ASCL4: variants seen among roughly 807,000 people sequenced by gnomAD.
ASCL4 encodes achaete-scute family bHLH transcription factor 4, also known as achaete-scute homolog 4.
ASCL4 carries 1 observed loss-of-function variant against 0.3 expected under a neutral mutation model. The ratio of observed to expected loss-of-function variants is 3.35; its 90% CI spans 1.19 to 15.89. The LOEUF is 15.89. Ranked by LOEUF, ASCL4 falls within the 30% of genes most tolerant of loss-of-function variation. The pLI is 0.12. For missense variants in ASCL4, 330 were observed against 256.9 expected, an observed-to-expected ratio of 1.28 and a Z score of -1.94; for synonymous variants, 137 against 119.5, an observed-to-expected ratio of 1.15 and a Z score of -0.96.
At position 107,775,522 on chromosome 12, in the gene ASCL4, G is replaced by A. The variant is rs1165128464; in HGVS notation, c.304G>A (p.Glu102Lys). ...GCGCCTCCGAGACCACCTGCCCCGG[G>A]AGCTGGCAGACAAGCGCCTCAGCAA... ...YARLRDHLPRELADKRLSKVE... is the reference protein window; with the variant it reads ...YARLRDHLPRKLADKRLSKVE... The change falls in exon 1 of 1, where the codon GAG (glutamate) becomes AAG (lysine). Residue 102 changes from glutamate to lysine, a missense_variant. By Grantham distance (56) the Glu-to-Lys change is moderately conservative. Transcript: ENST00000342331. The A allele has an allele frequency of 1.3e-6, 2 of 1,572,704 alleles. No individual in the cohort carries two copies. The highest frequency in any genetic ancestry group is 2.3e-5 in the East Asian group (1 of 43,740).
In ASCL4 at chr12:107,775,292, G is replaced by A. The variant is rs749439691; in HGVS notation, c.74G>A (p.Gly25Glu). ...CGCACCGCGCCCCTGGGCGTTCCGG[G>A]GACCCTGCCCGGACTCCCGCGGAGG... ...SLRTAPLGVPGTLPGLPRRDP... is the reference protein window; with the variant it reads ...SLRTAPLGVPETLPGLPRRDP... Residue 25 changes from glycine (G) to glutamate (E), a missense_variant, in exon 1 of 1, where the codon GGG becomes GAG. Coordinates refer to ENST00000342331, the MANE Select transcript of ASCL4 (RefSeq NM_203436.3). The A allele has an allele frequency of 1.3e-5, 21 of 1,611,984 alleles. No homozygotes were observed. In the African/African-American group the frequency reaches 1.9e-4, roughly 14 times the overall value.
Position 107,775,452 on chromosome 12 carries a change from C to G in ASCL4, c.234C>G (p.Asn78Lys), listed in dbSNP as rs780773405. The stretch of plus-strand genomic sequence containing the variant: ...AGCCCGCCTTCCTCCGCAAGCGCAA[C>G]GAGCGCGAGCGGCAGCGGGTGCGCT... ...AFEPAFLRKR[N>K]ERERQRVRCV... The change falls in exon 1 of 1, where the codon AAC (asparagine) becomes AAG (lysine). Residue 78 changes from asparagine to lysine, a missense_variant. Physicochemically the swap from Asn to Lys is moderately conservative, Grantham distance 94. Coordinates refer to ENST00000342331, the MANE Select transcript of ASCL4 (RefSeq NM_203436.3). The G allele has an allele frequency of 6.4e-7, 1 of 1,565,340 alleles. No individual in the cohort carries two copies. The highest frequency in any genetic ancestry group is 1.1e-5 in the South Asian group (1 of 87,570).
Position 107,775,204 on chromosome 12 carries a change from G to C in ASCL4, c.-15G>C. The C allele has an allele frequency of 1.2e-6, 2 of 1,608,906 alleles. No individual in the cohort carries two copies. The highest frequency in any genetic ancestry group is 1.7e-6 in the Non-Finnish European group (2 of 1,177,536). On this transcript the variant is annotated 5_prime_UTR_variant, in exon 1 of 1. Coordinates refer to ENST00000342331, the MANE Select transcript of ASCL4 (RefSeq NM_203436.3). ...GATTGACCTCTTGAGTGATTTGTGTGCTTTCCGGCAAATGATGGAGACGCG... is the reference window on the plus strand; with the variant it reads ...GATTGACCTCTTGAGTGATTTGTGTCCTTTCCGGCAAATGATGGAGACGCG...
At position 107,775,731 on chromosome 12, in the gene ASCL4, C is replaced by A. The variant is rs541142567; in HGVS notation, c.513C>A (p.Gly171=). The A allele has an allele frequency of 7.0e-7, 1 of 1,438,458 alleles. No homozygotes were observed. The highest frequency in any genetic ancestry group is 9.0e-7 in the Non-Finnish European group (1 of 1,105,224). The allele number at this position is 1,438,458 out of a possible 1,614,324, so 89.1% of individuals were successfully genotyped here. ...CCAGCAGCGAGCCCGAGGAGGGGGG[C>A]AGCTAGCGAGCGCCCGAACTGGCCA... ...PSPSSEPEEG[G]S Residue 171 remains glycine, a synonymous_variant, in exon 1 of 1, where the codon GGC becomes GGA. Coordinates refer to ENST00000342331, the MANE Select transcript of ASCL4 (RefSeq NM_203436.3).
rs1160958582 is a variant in ASCL4, at chr12:107,775,279, C to G, written c.61C>G (p.Leu21Val). 1 of 1,612,676 alleles carries G rather than the reference C, an allele frequency of 6.2e-7. No homozygotes were observed. The highest frequency in any genetic ancestry group is 8.5e-7 in the Non-Finnish European group (1 of 1,179,386). ...GCCATACTCGCTGCGCACCGCGCCC[C>G]TGGGCGTTCCGGGGACCCTGCCCGG... The part of the protein sequence containing the change: ...ALPYSLRTAP[L>V]GVPGTLPGLP... The change falls in exon 1 of 1, where the codon CTG becomes GTG. Residue 21 changes from leucine (L) to valine (V), a missense_variant. Transcript: ENST00000342331.
At position 107,775,552 on chromosome 12, in the gene ASCL4, G is replaced by T; in HGVS notation, c.334G>T (p.Glu112Ter). Residue 112 changes from glutamate (E) to a stop codon, truncating the protein, a stop_gained, in exon 1 of 1, where the codon GAG (glutamate) becomes TAG (stop). Transcript: ENST00000342331. LOFTEE classifies it low-confidence loss of function (END_TRUNC). The stretch of plus-strand genomic sequence containing the variant: ...GGCAGACAAGCGCCTCAGCAAAGTG[G>T]AGACGCTCCGCGCTGCCATCGACTA... The part of the protein sequence containing the change: ...ELADKRLSKV[E>*]TLRAAIDYIK... 2 of 1,576,498 alleles carry T rather than the reference G, an allele frequency of 1.3e-6. No individual in the cohort carries two copies. Among genetic ancestry groups the T allele is most frequent in the Non-Finnish European group, 1.7e-6 (2 of 1,169,724 alleles).
In ASCL4 at chr12:107,775,726, G is replaced by T. The variant is rs746997069; in HGVS notation, c.508G>T (p.Gly170Trp). The T allele has an allele frequency of 4.2e-6, 6 of 1,440,660 alleles. No homozygotes were observed. The highest frequency in any genetic ancestry group is 5.4e-6 in the Non-Finnish European group (6 of 1,107,172). 89.2% of individuals were successfully genotyped at this position (1,440,660 alleles called of 1,614,324 possible). A position where few individuals can be genotyped will look rare whatever the true frequency, so the allele number is the denominator to read the frequency against. Residue 170 changes from glycine (G) to tryptophan (W), a missense_variant, in exon 1 of 1, where the codon GGG becomes TGG. Coordinates refer to ENST00000342331, the MANE Select transcript of ASCL4 (RefSeq NM_203436.3). ...TTCGCCCAGCAGCGAGCCCGAGGAG[G>T]GGGGCAGCTAGCGAGCGCCCGAACT... ...APSPSSEPEE[G>W]GS
In ASCL4 at chr12:107,776,573, G is replaced by C. The variant is rs1891465368; in HGVS notation, c.*836G>C. The stretch of plus-strand genomic sequence containing the variant: ...CATACCCCCCGCCCCCCAACGTGTA[G>C]CTCTCCATCTAAGTTTTGGATAAAC... On this transcript the variant is annotated 3_prime_UTR_variant, in exon 1 of 1. Transcript: ENST00000342331. The C allele has an allele frequency of 6.0e-6, 1 of 166,470 alleles. No homozygotes were observed. Among genetic ancestry groups the C allele is most frequent in the Non-Finnish European group, 1.5e-5 (1 of 68,132 alleles). 10.3% of individuals were successfully genotyped at this position (166,470 alleles called of 1,614,324 possible). A position where few individuals can be genotyped will look rare whatever the true frequency, so the allele number is the denominator to read the frequency against.
In ASCL4 at chr12:107,775,498, C is replaced by A; in HGVS notation, c.280C>A (p.Arg94Ser). Residue 94 changes from arginine (R) to serine (S), a missense_variant, in exon 1 of 1, where the codon CGC becomes AGC. Physicochemically the swap from Arg to Ser is moderately radical, Grantham distance 110 (BLOSUM62 -1). Transcript: ENST00000342331. ...GCGCTGCGTGAACGAGGGCTATGCG[C>A]GCCTCCGAGACCACCTGCCCCGGGA... Reference protein sequence around the residue: ...RVRCVNEGYARLRDHLPRELA... With the variant: ...RVRCVNEGYASLRDHLPRELA... 1 of 1,571,820 alleles carries A rather than the reference C, an allele frequency of 6.4e-7. No homozygotes were observed. The highest frequency in any genetic ancestry group is 8.6e-7 in the Non-Finnish European group (1 of 1,167,450).
chr12:107,775,027 GA>G lies in ASCL4; in HGVS notation c.-190del. On this transcript the variant is annotated 5_prime_UTR_variant, in exon 1 of 1. It removes the in-frame stop codon of an upstream open reading frame in the 5' UTR. Transcript: ENST00000342331. ...TCATAAAAAGATCGAGGAGTGCAAT[GA>G]ACTTCAGGAATCATGCACCGTTTCC... 4.6e-6 allele frequency: 3 copies of G among 647,236 alleles called. No individual in the cohort carries two copies. Among genetic ancestry groups the G allele is most frequent in the Non-Finnish European group, 7.7e-6 (3 of 387,618 alleles). 40.1% of individuals were successfully genotyped at this position (647,236 alleles called of 1,614,324 possible).
In ASCL4 at chr12:107,775,294, ACCCTGCCCGGACTCCCGCGGAGGGACC is replaced by A; in HGVS notation, c.81_107del (p.Pro28_Leu36del). On this transcript the variant is annotated inframe_deletion, in exon 1 of 1. Transcript: ENST00000342331. ...CACCGCGCCCCTGGGCGTTCCGGGG[ACCCTGCCCGGACTCCCGCGGAGGGACC>A]CCCTCAGGGTCGCCCTGCGTCTGGA... The A allele has an allele frequency of 6.2e-7, 1 of 1,611,714 alleles. No homozygotes were observed. Among genetic ancestry groups the A allele is most frequent in the African/African-American group, 1.3e-5 (1 of 74,812 alleles).
Position 107,775,300 on chromosome 12 carries a change from C to T in ASCL4, c.82C>T (p.Pro28Ser), listed in dbSNP as rs201910980. The change falls in exon 1 of 1, where the codon CCC becomes TCC. Residue 28 changes from proline to serine, a missense_variant. Physicochemically the swap from Pro to Ser is moderately conservative, Grantham distance 74. Coordinates refer to ENST00000342331, the MANE Select transcript of ASCL4 (RefSeq NM_203436.3). ...GCCCCTGGGCGTTCCGGGGACCCTG[C>T]CCGGACTCCCGCGGAGGGACCCCCT... ...TAPLGVPGTL[P>S]GLPRRDPLRV... The T allele has an allele frequency of 1.6e-5, 26 of 1,611,836 alleles. No homozygotes were observed. The South Asian group carries it at 2.5e-4, about 16-fold the overall frequency.
At position 107,776,327 on chromosome 12, in the gene ASCL4, G is replaced by C; in HGVS notation, c.*590G>C. The stretch of plus-strand genomic sequence containing the variant: ...CTGGTACTTGAGAACGAATTTGCCA[G>C]CATGTGCTGTTGTTGACTGTGTGAA... On this transcript the variant is annotated 3_prime_UTR_variant, in exon 1 of 1. Transcript: ENST00000342331. 6.0e-6 allele frequency: 1 copy of C among 167,254 alleles called. No individual in the cohort carries two copies. The allele number at this position is 167,254 out of a possible 1,614,324, so 10.4% of individuals were successfully genotyped here.
chr12:107,775,396 T>G lies in ASCL4; in HGVS notation c.178T>G (p.Tyr60Asp). 1 of 1,595,426 alleles carries G rather than the reference T, an allele frequency of 6.3e-7. No homozygotes were observed. The highest frequency in any genetic ancestry group is 8.5e-7 in the Non-Finnish European group (1 of 1,173,762). Residue 60 changes from tyrosine (Y) to aspartate (D), a missense_variant, in exon 1 of 1, where the codon TAC (tyrosine) becomes GAC (aspartate). Coordinates refer to ENST00000342331, the MANE Select transcript of ASCL4 (RefSeq NM_203436.3). ...CAGCGGCTGCGCACGGGGATGGCAG[T>G]ACTTGCCCGTGCCGCTGGACAGCGC... ...ARSGCARGWQ[Y>D]LPVPLDSAFE... is the part of the protein sequence containing the mutation.
In ASCL4 at chr12:107,775,267, C is replaced by G; in HGVS notation, c.49C>G (p.Arg17Gly). ...AERLALPYSL[R>G]TAPLGVPGTL... ...ACGGCTGGCCTTGCCATACTCGCTG[C>G]GCACCGCGCCCCTGGGCGTTCCGGG... Residue 17 changes from arginine to glycine, a missense_variant, in exon 1 of 1, where the codon CGC becomes GGC. Physicochemically the swap from Arg to Gly is moderately radical, Grantham distance 125. Transcript: ENST00000342331. The G allele has an allele frequency of 6.2e-7, 1 of 1,612,900 alleles. No homozygotes were observed. Among genetic ancestry groups the G allele is most frequent in the Non-Finnish European group, 8.5e-7 (1 of 1,179,510 alleles).
Position 107,775,640 on chromosome 12 carries a change from C to A in ASCL4, c.422C>A (p.Ala141Asp). The A allele has an allele frequency of 6.4e-7, 1 of 1,557,988 alleles. No individual in the cohort carries two copies. Among genetic ancestry groups the A allele is most frequent in the East Asian group, 2.4e-5 (1 of 42,448 alleles). ...TGGGGGCTCGAGGGCGCGGCCGGCGCCGTCCCCCAGCGCAGGGCGGAATGC... is the reference window on the plus strand; with the variant it reads ...TGGGGGCTCGAGGGCGCGGCCGGCGACGTCCCCCAGCGCAGGGCGGAATGC... ...QAWGLEGAAG[A>D]VPQRRAECNS... Residue 141 changes from alanine (A) to aspartate (D), a missense_variant, in exon 1 of 1, where the codon GCC becomes GAC. Physicochemically the swap from Ala to Asp is moderately radical, Grantham distance 126. Transcript: ENST00000342331.
rs771939252 is a variant in ASCL4, at chr12:107,775,565, C to T, written c.347C>T (p.Ala116Val). 5 of 1,579,366 alleles carry T rather than the reference C, an allele frequency of 3.2e-6. No homozygotes were observed. Among genetic ancestry groups the T allele is most frequent in the Non-Finnish European group, 4.3e-6 (5 of 1,171,354 alleles). ...CTCAGCAAAGTGGAGACGCTCCGCG[C>T]TGCCATCGACTACATCAAGCACCTG... ...KRLSKVETLR[A>V]AIDYIKHLQE... is the part of the protein sequence containing the mutation. The change falls in exon 1 of 1, where the codon GCT becomes GTT. Residue 116 changes from alanine (A) to valine (V), a missense_variant. By Grantham distance (64) the Ala-to-Val change is moderately conservative (BLOSUM62 0). Transcript: ENST00000342331.
In ASCL4 at chr12:107,775,860, C is replaced by T. The variant is rs555338749; in HGVS notation, c.*123C>T. 3,141 of 1,187,642 alleles carry T rather than the reference C, an allele frequency of 2.6e-3. 5 individuals are homozygous for T. The highest frequency in any genetic ancestry group is 6.3e-3 in the Admixed American group (153 of 24,376). The allele number at this position is 1,187,642 out of a possible 1,614,324, so 73.6% of individuals were successfully genotyped here. The stretch of plus-strand genomic sequence containing the variant: ...TCTGGCATCTTCTCCAGGCCTAAAT[C>T]TTAAGAAAAAGAAATGGGTGCTGGG... On this transcript the variant is annotated 3_prime_UTR_variant, in exon 1 of 1. Coordinates refer to ENST00000342331, the MANE Select transcript of ASCL4 (RefSeq NM_203436.3).
rs1891445012 is a variant in ASCL4 at position 107,775,482 on chromosome 12, G to A, written c.264G>A (p.Val88=). Residue 88 remains valine (V), a synonymous_variant, in exon 1 of 1, where the codon GTG becomes GTA. Transcript: ENST00000342331. ...GCGAGCGGCAGCGGGTGCGCTGCGT[G>A]AACGAGGGCTATGCGCGCCTCCGAG... is the stretch of plus-strand genomic sequence containing the variant. ...NERERQRVRC[V]NEGYARLRDH... 1.3e-6 allele frequency: 2 copies of A among 1,572,308 alleles called. No individual in the cohort carries two copies. Among genetic ancestry groups the A allele is most frequent in the Non-Finnish European group, 1.7e-6 (2 of 1,167,504 alleles).
Sources: allele counts gnomAD v4.1 joint callset, GRCh38; gene constraint gnomAD v4.1.1; transcripts MANE v1.5; gene names NCBI Gene and HGNC (gene_info 2026-07-23, HGNC 2026-07-21).